The following GPRC5D variants were observed in gnomAD, a reference collection of about 807,000 sequenced individuals.
GPRC5D encodes the protein G protein-coupled receptor class C group 5 member D, also known as G protein-coupled receptor family C group 5 member D.
GPRC5D carries 20 observed loss-of-function variants against 29.3 expected under a neutral mutation model. That is an observed-to-expected ratio of 0.68 (90% confidence interval 0.48 to 0.99). The LOEUF is 0.99. Among genes scored for constraint, GPRC5D ranks in the 50% least tolerant of loss-of-function variants. The probability of loss-of-function intolerance (pLI) is 0.00; values close to 1 mark genes in which losing one functional copy is unlikely to be tolerated. For missense variants in GPRC5D, 384 were observed against 423.6 expected (o/e 0.91, Z 0.82); for synonymous variants, 178 against 171.3 (o/e 1.04, Z -0.30).
chr12:12,949,755 C>T, exon 1 of GPRC5D: 1 of 1,614,152 alleles, frequency 6.2e-7, no homozygotes, highest in South Asian at 1.1e-5. Context: ...TGGAGAAGAG[C>T]ACAGTGATAA....
chr12:12,949,368 C>G (rs1279179963), intron 1 of GPRC5D, 122 bp downstream of exon 2: 2 of 797,738 alleles, frequency 2.5e-6, no homozygotes, highest in Admixed American at 2.4e-5. Flanking sequence ...AACTATGAAG[C>G]CACCCACCCC....
At chr12:12,943,960 G>A (rs1863213316) in intron 1 of GPRC5D, among the ~76,000 whole-genome samples, 1 of 152,152 alleles carries the variant, frequency 6.6e-6, no homozygotes, top group South Asian at 2.1e-4. Context: ...AGGGAGGGAG[G>A]TGATGAGCAG....
At chr12:12,948,433 G>C (rs983764312) in intron 1 of GPRC5D, 7 of 154,308 alleles carry the variant, frequency 4.5e-5, no homozygotes, top group African/African-American at 1.7e-4. Context: ...TGCGCAACTA[G>C]CCACAGATTA....
At chr12:12,949,698 C>T (rs763626866) in exon 1 of GPRC5D, 26 of 1,605,878 alleles carry the variant, frequency 1.6e-5, no homozygotes, top group Admixed American at 5.1e-5. Context: ...GCTGGAACTG[C>T]GGGTTGCCTC....
intron 1 of GPRC5D, among the ~76,000 whole-genome samples, chr12:12,944,832 TCCTTCC>T (rs1565477211): frequency 1.0e-4 from 3 of 28,654 alleles, no homozygotes; most frequent in African/African-American, 2.3e-4. Context: ...CTTCCTTCCT[TCCTTCC>T]TTCCTTCCTT....
At chr12:12,946,451 T>A (rs1037423981) in intron 1 of GPRC5D, among the ~76,000 whole-genome samples, 23 of 150,814 alleles carry the variant, frequency 1.5e-4, no homozygotes, top group African/African-American at 5.6e-4. Flanking sequence ...TCTCTCTCTC[T>A]CTCTTTCTCT....
chr12:12,945,017 T>C (rs759340126), intron 1 of GPRC5D, among the ~76,000 whole-genome samples: 17 of 150,340 alleles, frequency 1.1e-4, no homozygotes, highest in Non-Finnish European at 2.1e-4. Context: ...CTTTCTCTCT[T>C]TCTTTCTTTC....
chr12:12,940,938 GT>G, intron 2 of GPRC5D, 89 bp from the exon 4 acceptor site: 4 of 830,938 alleles, frequency 4.8e-6, no homozygotes, highest in Non-Finnish European at 8.2e-6. Context: ...TTGAGACAGA[GT>G]CTTGCTCTGT....
At chr12:12,950,034 C>T in exon 1 of GPRC5D, 1 of 1,614,032 alleles carries the variant, frequency 6.2e-7, no homozygotes, top group Non-Finnish European at 8.5e-7. Flanking sequence ...AACCCCGAAC[C>T]AGCTTCACTA....
At position 12,943,374 on chromosome 12, in the gene GPRC5D, C is replaced by G. The variant is rs79043140; in HGVS notation, c.896-1046G>C. Among the ~76,000 whole-genome samples the G allele has an allele frequency of 1.1e-3, 164 of 152,282 alleles. 3 individuals are homozygous for G. In the East Asian group the frequency reaches 0.029, roughly 27 times the overall value. On this transcript the variant is annotated intron_variant, in intron 1 of 2. Transcript: ENST00000228887. ...GACCCTGGAAAAGGACTGCTTGGCT[C>G]TCTCATTTGTGTTACCTACCTAGGG... is the stretch of plus-strand genomic sequence containing the variant.
intron 1 of GPRC5D, among the ~76,000 whole-genome samples, chr12:12,945,767 G>A (rs748624015): frequency 6.6e-6 from 1 of 152,090 alleles, no homozygotes; most frequent in Non-Finnish European, 1.5e-5. Flanking sequence ...TTTTGTTGAA[G>A]TTTCCTGTAC....
At position 12,944,834 on chromosome 12, in the gene GPRC5D, C is replaced by CT. The variant is rs1286297872; in HGVS notation, c.896-2507dup. Among the ~76,000 whole-genome samples, 51 of 20,058 alleles carry CT rather than the reference C, an allele frequency of 2.5e-3. 1 individual carries two copies. The highest frequency in any genetic ancestry group is 4.3e-3 in the African/African-American group (44 of 10,334). The allele number at this position is 20,058 out of a possible 152,430, so 13.2% of individuals were successfully genotyped here. A position where few individuals can be genotyped will look rare whatever the true frequency, so the allele number is the denominator to read the frequency against. The stretch of plus-strand genomic sequence containing the variant: ...CCTTCCTTCCTTCCTTCCTTCCTTC[C>CT]TTCCTTCCTTCCTTCCTTCTTTCTT... On this transcript the variant is annotated intron_variant, in intron 1 of 2. Transcript: ENST00000228887.
intron 2 of GPRC5D, 63 bp from the exon 4 acceptor site, chr12:12,940,912 G>T: frequency 8.7e-7 from 1 of 1,148,968 alleles, no homozygotes; most frequent in Non-Finnish European, 1.3e-6. Flanking sequence ...ATTCTCCAAA[G>T]TTATGTTTTT....
chr12:12,942,322 T>C, exon 2 of GPRC5D: 1 of 1,611,648 alleles, frequency 6.2e-7, no homozygotes, highest in Non-Finnish European at 8.5e-7. Context: ...TCCATCACTG[T>C]CTCGGGCTGA....
At position 12,942,599 on chromosome 12, in the gene GPRC5D, G is replaced by A. The variant is rs552728179; in HGVS notation, c.896-271C>T. On this transcript the variant is annotated intron_variant, in intron 1 of 2. Coordinates refer to ENST00000228887, the Ensembl canonical transcript of GPRC5D. ...AAAATACAAAAATTAGCTGGGCGTG[G>A]TGGCGTGCACCTGTAATCCCAGCTA... is the stretch of plus-strand genomic sequence containing the variant. Among the ~76,000 whole-genome samples, 9 of 152,308 alleles carry A rather than the reference G, an allele frequency of 5.9e-5. No individual in the cohort carries two copies. The South Asian group carries it at 1.2e-3, about 21-fold the overall frequency.
chr12:12,946,414 TTCTCTCTC>T (rs758963313), intron 1 of GPRC5D, among the ~76,000 whole-genome samples: 881 of 42,736 alleles, frequency 0.021, 22 homozygotes, highest in African/African-American at 0.034. Flanking sequence ...TTCTCTCTCT[TTCTCTCTC>T]TCTCTTTCTC....
upstream of GPRC5D, chr12:12,950,482 C>G: frequency 1.2e-6 from 1 of 832,524 alleles, no homozygotes; most frequent in East Asian, 2.5e-5. Flanking sequence ...TAGGTTGGTG[C>G]AAAAGTAATT....
At position 12,942,855 on chromosome 12, in the gene GPRC5D, C is replaced by T. The variant is rs562371009; in HGVS notation, c.896-527G>A. The stretch of plus-strand genomic sequence containing the variant: ...GTAGCGTGTGAGTGTTTAGGAGAAG[C>T]GCATTGGCGTTGGGAGACCACTAGC... On this transcript the variant is annotated intron_variant, in intron 1 of 2. Transcript: ENST00000228887. Among the ~76,000 whole-genome samples, 233 of 152,306 alleles carry T rather than the reference C, an allele frequency of 1.5e-3. 2 individuals are homozygous for T. Among genetic ancestry groups the T allele is most frequent in the Admixed American group, 5.4e-3 (83 of 15,288 alleles).
At chr12:12,946,358 TTTCTTTC>T (rs1565478474) in intron 1 of GPRC5D, among the ~76,000 whole-genome samples, 10 of 149,346 alleles carry the variant, frequency 6.7e-5, no homozygotes, top group African/African-American at 2.3e-4. Context: ...TCTTTCTTTC[TTTCTTTC>T]TTTTCTTTCT....
Sources: gnomAD v4.1 joint callset for allele counts (sites outside exome capture counted in the v4.1 genomes callset) on GRCh38, gnomAD v4.1.1 for gene constraint, MANE v1.5 for transcripts, NCBI Gene and HGNC (gene_info 2026-07-23, HGNC 2026-07-21) for gene names.